The following EIF4G3 variants were observed in gnomAD, a reference collection of about 807,000 sequenced individuals.
EIF4G3 encodes eIF-4-gamma 3.
EIF4G3 carries 34 observed loss-of-function variants against 186.4 expected under a neutral mutation model. The ratio of observed to expected loss-of-function variants is 0.18; its 90% CI spans 0.14 to 0.24. EIF4G3 has a LOEUF of 0.24. Ranked by LOEUF, EIF4G3 falls within the 10% of genes least tolerant of loss-of-function variation. EIF4G3 has a pLI of 1.00. For synonymous variants in EIF4G3, 673 were observed against 679.5 expected, an observed-to-expected ratio of 0.99 and a Z score of 0.15; for missense variants, 1,536 against 1,948.5, an observed-to-expected ratio of 0.79 and a Z score of 3.99.
At chr1:21,072,197 C>T (rs990073658) in intron 3 of EIF4G3, among the ~76,000 whole-genome samples, 1 of 152,048 alleles carries the variant, frequency 6.6e-6, no homozygotes, top group African/African-American at 2.4e-5. Flanking sequence ...TCCAAGATGA[C>T]AAATATATAA....
At chr1:20,976,458 T>G (rs2076893278) in intron 10 of EIF4G3, among the ~76,000 whole-genome samples, 1 of 152,174 alleles carries the variant, frequency 6.6e-6, no homozygotes, top group South Asian at 2.1e-4. Flanking sequence ...ACGGCAGTTT[T>G]CTTTAAAGGT....
chr1:21,006,451 A>G (rs2085112940), intron 4 of EIF4G3, among the ~76,000 whole-genome samples: 1 of 152,360 alleles, frequency 6.6e-6, no homozygotes, highest in African/African-American at 2.4e-5. Flanking sequence ...ATGGGTGAAC[A>G]TACAGAATTT....
At chr1:21,095,481 T>G (rs1052490912) in intron 2 of EIF4G3, among the ~76,000 whole-genome samples, 1 of 152,136 alleles carries the variant, frequency 6.6e-6, no homozygotes, top group Non-Finnish European at 1.5e-5. Flanking sequence ...CCAGCTAATC[T>G]TTAAATTTTT....
chr1:20,942,381 A>C (rs753406072), intron 13 of EIF4G3, 51 bp from the exon 14 acceptor site: 1 of 1,515,594 alleles, frequency 6.6e-7, no homozygotes, highest in Non-Finnish European at 8.8e-7. Context: ...CAGAGACTAC[A>C]TATTGCCTTG....
chr1:21,148,016 G>T (rs2097481541), intron 2 of EIF4G3, among the ~76,000 whole-genome samples: 1 of 152,130 alleles, frequency 6.6e-6, no homozygotes, highest in East Asian at 1.9e-4. Context: ...CTTTTATTAA[G>T]GAAATATCTG....
intron 20 of EIF4G3, among the ~76,000 whole-genome samples, chr1:20,873,013 A>G (rs2079664104): frequency 6.6e-6 from 1 of 152,258 alleles, no homozygotes; most frequent in South Asian, 2.1e-4. Flanking sequence ...CTGGAATTAC[A>G]GCTGTGAGCC....
intron 7 of EIF4G3, among the ~76,000 whole-genome samples, chr1:20,992,015 C>T (rs1463712562): frequency 1.3e-5 from 2 of 152,138 alleles, no homozygotes; most frequent in Non-Finnish European, 2.9e-5. Flanking sequence ...TTTTGAAGAT[C>T]AGAAACTTGA....
At chr1:21,083,228 G>A (rs926513592) in intron 3 of EIF4G3, among the ~76,000 whole-genome samples, 1 of 151,936 alleles carries the variant, frequency 6.6e-6, no homozygotes, top group Non-Finnish European at 1.5e-5. Flanking sequence ...ACGACAGAGT[G>A]AGACTCTGTT....
intron 2 of EIF4G3, among the ~76,000 whole-genome samples, chr1:21,144,734 C>CA (rs1360433443): frequency 6.8e-6 from 1 of 147,166 alleles, no homozygotes; most frequent in African/African-American, 2.5e-5. Context: ...CACTGAAAGA[C>CA]AAAGAATGAG....
chr1:21,024,229 C>T (rs2091605249), intron 4 of EIF4G3, among the ~76,000 whole-genome samples: 1 of 150,590 alleles, frequency 6.6e-6, no homozygotes, highest in African/African-American at 2.4e-5. Flanking sequence ...GGGGTTCAGC[C>T]CCCCGCCCGG....
At position 20,827,650 on chromosome 1, in the gene EIF4G3, T is replaced by C; in HGVS notation, c.4236A>G (p.Leu1412=). 6.2e-7 allele frequency: 1 copy of C among 1,612,646 alleles called. No individual in the cohort carries two copies. The highest frequency in any genetic ancestry group is 8.5e-7 in the Non-Finnish European group (1 of 1,178,908). Residue 1412 remains leucine, a synonymous_variant, in exon 32 of 37, where the codon CTA becomes CTG. Coordinates refer to ENST00000602326, the MANE Select transcript of EIF4G3 (RefSeq NM_001391906.1). ...LLPVGRAGVL[L]SEILHLLCKQ... is the part of the protein sequence containing the mutation. The stretch of plus-strand genomic sequence containing the variant: ...TGCATAGTAGGTGCAATATTTCAGA[T>C]AGCAAGACCCCAGCTCTTCCAACAG...
chr1:20,831,773 A>T (rs2065310188), intron 30 of EIF4G3, among the ~76,000 whole-genome samples: 1 of 122,236 alleles, frequency 8.2e-6, no homozygotes. Context: ...CCGACCCCAC[A>T]ACAGTCCCCA....
chr1:21,139,390 G>A (rs1364750040), intron 2 of EIF4G3, among the ~76,000 whole-genome samples: 1 of 152,036 alleles, frequency 6.6e-6, no homozygotes, highest in Non-Finnish European at 1.5e-5. Flanking sequence ...ACGAGTTTGA[G>A]GCAGCAGTAA....
chr1:20,933,005 A>C (rs908184440), intron 14 of EIF4G3, among the ~76,000 whole-genome samples: 1 of 152,178 alleles, frequency 6.6e-6, no homozygotes, highest in East Asian at 1.9e-4. Flanking sequence ...CTTTTGAAAT[A>C]ATCTCCAGGC....
intron 4 of EIF4G3, among the ~76,000 whole-genome samples, chr1:21,006,133 A>G (rs1388557577): frequency 6.6e-6 from 1 of 152,234 alleles, no homozygotes; most frequent in Non-Finnish European, 1.5e-5. Flanking sequence ...TCTTAGGAAC[A>G]GTATGACTTG....
chr1:20,922,694 A>G (rs2094567283), intron 14 of EIF4G3, among the ~76,000 whole-genome samples: 1 of 152,214 alleles, frequency 6.6e-6, no homozygotes, highest in Non-Finnish European at 1.5e-5. Context: ...CATCAGGCCC[A>G]TTTACTGCTC....
In EIF4G3 at chr1:20,981,651, A is replaced by G. The variant is rs1319131799; in HGVS notation, c.199-424T>C. Among the ~76,000 whole-genome samples, 43 of 131,740 alleles carry G rather than the reference A, an allele frequency of 3.3e-4. 2 individuals are homozygous for G. Among genetic ancestry groups the G allele is most frequent in the African/African-American group, 1.2e-3 (42 of 35,436 alleles). The allele number at this position is 131,740 out of a possible 152,430, so 86.4% of individuals were successfully genotyped here. Reference sequence around the variant, plus strand: ...ATGTATACGCACATACTGTATGTATACATACATGTATACGCACATACTGTA... The same window carrying G: ...ATGTATACGCACATACTGTATGTATGCATACATGTATACGCACATACTGTA... On this transcript the variant is annotated intron_variant, in intron 8 of 36. Transcript: ENST00000602326.
chr1:20,893,535 A>C lies in EIF4G3; in HGVS notation c.2235T>G (p.Pro745=). 1 of 1,602,360 alleles carries C rather than the reference A, an allele frequency of 6.2e-7. No homozygotes were observed. Among genetic ancestry groups the C allele is most frequent in the Non-Finnish European group, 8.5e-7 (1 of 1,171,224 alleles). ...PAFADFGRQT[P]GGRGVPLLNV... is the part of the protein sequence containing the mutation. The stretch of plus-strand genomic sequence containing the variant: ...CACTTACAGGTACGCCTCTTCCACC[A>C]GGTGTCTGCCTTCCAAAATCAGCAA... Residue 745 remains proline (P), a synonymous_variant, in exon 18 of 37, where the codon CCT becomes CCG. Transcript: ENST00000602326.
chr1:20,853,138 G>T (rs940489159), intron 27 of EIF4G3, among the ~76,000 whole-genome samples: 4 of 152,288 alleles, frequency 2.6e-5, no homozygotes, highest in African/African-American at 9.6e-5. Flanking sequence ...AAAAGCAAAA[G>T]CAGAAAGATA....
Sources: gnomAD v4.1 joint callset for allele counts (sites outside exome capture counted in the v4.1 genomes callset) on GRCh38, gnomAD v4.1.1 for gene constraint, MANE v1.5 for transcripts, NCBI Gene and HGNC (gene_info 2026-07-23, HGNC 2026-07-21) for gene names.